HPS5: variants seen among roughly 807,000 people sequenced by gnomAD.
HPS5 encodes HPS5 biogenesis of lysosomal organelles complex 2 subunit 2, also known as BLOC-2 complex member HPS5.
HPS5 carries 83 observed loss-of-function variants against 128.0 expected under a neutral mutation model. That is an observed-to-expected ratio of 0.65 (90% confidence interval 0.54 to 0.78). The LOEUF (loss-of-function observed/expected upper bound fraction) is 0.78, where lower values mean the gene tolerates loss of function less well. Among genes scored for constraint, HPS5 ranks in the 30% least tolerant of loss-of-function variants. HPS5 has a pLI of 0.00. For missense variants in HPS5, 1,281 were observed against 1,326.2 expected (o/e 0.97, Z 0.53); for synonymous variants, 475 against 470.2 (o/e 1.01, Z -0.13).
At chr11:18,294,958 C>A (rs536938774) in intron 14 of HPS5, 62 bp downstream of exon 14, 1 of 1,595,946 alleles carries the variant, frequency 6.3e-7, no homozygotes, top group South Asian at 1.1e-5. Flanking sequence ...TGGTCTATGG[C>A]TTTCTTAAAA....
rs1554938988 is a variant in HPS5, at chr11:18,300,884, C to G, written c.929G>C (p.Gly310Ala). ...EHCVLTWTER[G>A]IYIFIPQNVQ... Reference sequence around the variant, plus strand: ...ATTCTGAGGAATGAAAATATAAATTCCTCTTTCTGTCCAAGTCAGCACACA... The same window carrying G: ...ATTCTGAGGAATGAAAATATAAATTGCTCTTTCTGTCCAAGTCAGCACACA... The change falls in exon 9 of 23, where the codon GGA becomes GCA. Residue 310 changes from glycine to alanine, a missense_variant. Coordinates refer to ENST00000349215, the MANE Select transcript of HPS5 (RefSeq NM_181507.2). 3 of 1,601,980 alleles carry G rather than the reference C, an allele frequency of 1.9e-6. No individual in the cohort carries two copies. In the Admixed American group the frequency reaches 5.0e-5, roughly 27 times the overall value.
chr11:18,306,055 A>G (rs1338715184), intron 7 of HPS5, 80 bp downstream of exon 7: 2 of 1,051,546 alleles, frequency 1.9e-6, no homozygotes, highest in Admixed American at 3.4e-5. Flanking sequence ...TCTTTAACAC[A>G]GATAGAATAT....
chr11:18,279,101 G>C lies in HPS5; in HGVS notation c.*781C>G, dbSNP rs1467311809. On this transcript the variant is annotated 3_prime_UTR_variant, in exon 23 of 23. Transcript: ENST00000349215. The stretch of plus-strand genomic sequence containing the variant: ...AAGATATTTTATTTAATTTGTTTTT[G>C]AGACAGGGTCTTTCTCTGTCACCCA... 1 of 152,154 alleles carries C rather than the reference G, an allele frequency of 6.6e-6. No homozygotes were observed. The highest frequency in any genetic ancestry group is 1.5e-5 in the Non-Finnish European group (1 of 68,022). 9.4% of individuals were successfully genotyped at this position (152,154 alleles called of 1,614,324 possible). A position where few individuals can be genotyped will look rare whatever the true frequency, so the allele number is the denominator to read the frequency against.
At chr11:18,309,557 A>G (rs1862735331) in intron 5 of HPS5, among the ~76,000 whole-genome samples, 2 of 152,078 alleles carry the variant, frequency 1.3e-5, no homozygotes, top group African/African-American at 4.8e-5. Context: ...TCACCTGTAG[A>G]TAGCACTTCT....
Position 18,292,013 on chromosome 11 carries a change from C to T in HPS5, c.1869G>A (p.Lys623=), listed in dbSNP as rs1366472992. ...CAAATAAAACCAGAGGGTCCTGTAGCTTGGTCCTATACAAGACAGACAAGT... is the reference window on the plus strand; with the variant it reads ...CAAATAAAACCAGAGGGTCCTGTAGTTTGGTCCTATACAAGACAGACAAGT... ...LKVATAEAMT[K]LQDPLVLFES... Residue 623 remains lysine, a synonymous_variant, in exon 16 of 23, where the codon AAG becomes AAA. Transcript: ENST00000349215. The T allele has an allele frequency of 6.2e-7, 1 of 1,613,322 alleles. No homozygotes were observed. Among genetic ancestry groups the T allele is most frequent in the South Asian group, 1.1e-5 (1 of 91,062 alleles).
At chr11:18,293,073 G>A (rs1022152405) in intron 14 of HPS5, 97 bp from the exon 15 acceptor site, 17 of 900,274 alleles carry the variant, frequency 1.9e-5, no homozygotes, top group Non-Finnish European at 2.8e-5. Flanking sequence ...CCAGGCTGCA[G>A]TGCAGTGACG....
At chr11:18,296,343 C>A in intron 12 of HPS5, 1 of 573,248 alleles carries the variant, frequency 1.7e-6, no homozygotes, top group Admixed American at 3.1e-5. Context: ...CCTACTAACC[C>A]TGAGTCCCCA....
rs752089199 is a variant in HPS5, at chr11:18,291,682, G to A, written c.2200C>T (p.Arg734Trp). Residue 734 changes from arginine (R) to tryptophan (W), a missense_variant, in exon 16 of 23, where the codon CGG becomes TGG. By Grantham distance (101) the Arg-to-Trp change is moderately radical. Transcript: ENST00000349215. ...GTTGTCAATTCAGCCAGGTCGTTCC[G>A]AAGACCACTTGCAATGGCGCATGGA... ...CSPCAIASGLRNDLAELTTLC... is the reference protein window; with the variant it reads ...CSPCAIASGLWNDLAELTTLC... 208 of 1,614,092 alleles carry A rather than the reference G, an allele frequency of 1.3e-4. No individual in the cohort carries two copies. Among genetic ancestry groups the A allele is most frequent in the Admixed American group, 2.5e-4 (15 of 60,004 alleles).
chr11:18,300,925 G>T lies in HPS5; in HGVS notation c.897-9C>A. 6.7e-7 allele frequency: 1 copy of T among 1,494,752 alleles called. No individual in the cohort carries two copies. The highest frequency in any genetic ancestry group is 9.3e-7 in the Non-Finnish European group (1 of 1,071,556). 92.6% of individuals were successfully genotyped at this position (1,494,752 alleles called of 1,614,324 possible). On this transcript the variant is annotated splice_polypyrimidine_tract_variant and intron_variant, in intron 8 of 22. Transcript: ENST00000349215. ...TCAGCACACAATGCTCACTGCAAGAGAAGAAGTGAAGAGAATTCAAGTGTG... is the reference window on the plus strand; with the variant it reads ...TCAGCACACAATGCTCACTGCAAGATAAGAAGTGAAGAGAATTCAAGTGTG...
At chr11:18,306,412 A>G in intron 6 of HPS5, 65 bp from the exon 7 acceptor site, 2 of 1,045,758 alleles carry the variant, frequency 1.9e-6, no homozygotes, top group South Asian at 1.3e-5. Context: ...CAACGGCACT[A>G]CAAATCAGCA....
intron 2 of HPS5, among the ~76,000 whole-genome samples, chr11:18,314,168 G>T (rs1863334681): frequency 2.0e-5 from 3 of 152,160 alleles, no homozygotes; most frequent in African/African-American, 7.2e-5. Flanking sequence ...ACTGCAGTGT[G>T]CTATGACTCA....
intron 6 of HPS5, among the ~76,000 whole-genome samples, chr11:18,307,995 T>G (rs1236443827): frequency 6.6e-6 from 1 of 152,092 alleles, no homozygotes; most frequent in African/African-American, 2.4e-5. Flanking sequence ...GGCTCAAAAC[T>G]CTCCATGATA....
At chr11:18,301,106 TA>T in intron 8 of HPS5, among the ~76,000 whole-genome samples, 190 bp from the exon 9 acceptor site, 1 of 152,206 alleles carries the variant, frequency 6.6e-6, no homozygotes, top group East Asian at 1.9e-4. Context: ...ATAAATAGCA[TA>T]AAATGATGCC....
chr11:18,294,994 AT>A, intron 14 of HPS5, 25 bp downstream of exon 14: 1 of 1,613,272 alleles, frequency 6.2e-7, no homozygotes, highest in Non-Finnish European at 8.5e-7. Context: ...CCTAGAATGT[AT>A]AGAGATTTAT....
chr11:18,305,169 T>C (rs1862205813), intron 8 of HPS5, among the ~76,000 whole-genome samples: 1 of 152,224 alleles, frequency 6.6e-6, no homozygotes, highest in African/African-American at 2.4e-5. Context: ...TTAGTAGAGC[T>C]ATCTTAGCTC....
intron 1 of HPS5, among the ~76,000 whole-genome samples, chr11:18,319,450 T>C (rs1864048009): frequency 2.0e-5 from 3 of 151,970 alleles, no homozygotes; most frequent in Non-Finnish European, 4.4e-5. Flanking sequence ...GGGTAGCAGG[T>C]AGGGTAGCAA....
In HPS5 at chr11:18,310,966, C is replaced by T. The variant is rs777589017; in HGVS notation, c.285-33G>A. 3 of 1,539,364 alleles carry T rather than the reference C, an allele frequency of 1.9e-6. No individual in the cohort carries two copies. The African/African-American group carries it at 4.1e-5, about 21-fold the overall frequency. ...AATTGAGTCACAGAGGCAAACGTGG[C>T]AACAGTGAACAAGGTACAATTTTGT... On this transcript the variant is annotated intron_variant, in intron 4 of 22. Transcript: ENST00000349215.
At chr11:18,304,785 T>G (rs1862157589) in intron 8 of HPS5, among the ~76,000 whole-genome samples, 1 of 152,226 alleles carries the variant, frequency 6.6e-6, no homozygotes, top group African/African-American at 2.4e-5. Flanking sequence ...GAAATAGAGT[T>G]CAAGATATTG....
intron 1 of HPS5, among the ~76,000 whole-genome samples, chr11:18,320,635 C>T (rs1342740704): frequency 6.6e-6 from 1 of 152,168 alleles, no homozygotes; most frequent in African/African-American, 2.4e-5. Flanking sequence ...ATTTAACATT[C>T]CCAGTTTCTT....
Sources: allele counts gnomAD v4.1 joint callset (sites outside exome capture counted in the v4.1 genomes callset), GRCh38; gene constraint gnomAD v4.1.1; transcripts MANE v1.5; gene names NCBI Gene and HGNC (gene_info 2026-07-23, HGNC 2026-07-21).